TMEM164: variants seen among roughly 807,000 people sequenced by gnomAD.
The protein encoded by TMEM164 is RP13-360B22.2.
Under a neutral mutation model 18.8 loss-of-function variants are expected in TMEM164, and 4 were observed. That is an observed-to-expected ratio of 0.21 (90% CI 0.10 to 0.49). The LOEUF is 0.49. TMEM164 is among the 20% of genes least tolerant of loss of function. TMEM164 has a pLI of 0.98. For missense variants in TMEM164, 108 were observed against 239.9 expected (o/e 0.45, Z 3.63); for synonymous variants, 86 against 101.7 (o/e 0.85, Z 0.93).
At chrX:110,084,444 GTA>G (rs1159781049) in intron 3 of TMEM164, among the ~76,000 whole-genome samples, 2 of 18,925 alleles carry the variant, frequency 1.1e-4, no homozygotes, top group African/African-American at 3.1e-4. Flanking sequence ...TATATATATA[GTA>G]TATATATATA....
downstream of TMEM164, among the ~76,000 whole-genome samples, chrX:110,178,136 G>A (rs1206116301): frequency 8.9e-6 from 1 of 112,518 alleles, no homozygotes; most frequent in African/African-American, 3.2e-5. Context: ...TTTCCTGAGG[G>A]CCAGCTCTGC....
chrX:110,105,731 C>CACAG (rs2066185003), intron 3 of TMEM164, among the ~76,000 whole-genome samples: 1 of 86,714 alleles, frequency 1.2e-5, no homozygotes, highest in Non-Finnish European at 2.2e-5. Context: ...GACACACACA[C>CACAG]AGAGAGAGAG....
intron 2 of TMEM164, among the ~76,000 whole-genome samples, chrX:110,030,614 T>A (rs1934446744): frequency 9.3e-6 from 1 of 107,227 alleles, no homozygotes; most frequent in South Asian, 4.2e-4. Context: ...ATTTTGAGAC[T>A]AGCCTGACCA....
intron 2 of TMEM164, among the ~76,000 whole-genome samples, chrX:110,042,132 T>C (rs1357334485): frequency 9.5e-6 from 1 of 104,901 alleles, no homozygotes; most frequent in Non-Finnish European, 2.0e-5. Flanking sequence ...TTCTAGCACT[T>C]TTTTTTTTTT....
chrX:110,059,325 G>T (rs987492928), intron 2 of TMEM164, among the ~76,000 whole-genome samples: 3 of 111,428 alleles, frequency 2.7e-5, no homozygotes, highest in African/African-American at 9.8e-5. Context: ...CTATTCTGTT[G>T]GTCTCTGTGT....
At chrX:110,083,283 CT>C (rs2065785693) in intron 3 of TMEM164, among the ~76,000 whole-genome samples, 1 of 111,554 alleles carries the variant, frequency 9.0e-6, no homozygotes, top group Non-Finnish European at 1.9e-5. Flanking sequence ...ATATTTTCCC[CT>C]AGAGAGTCAT....
At chrX:110,161,503 TG>T (rs2148113687) in intron 5 of TMEM164, among the ~76,000 whole-genome samples, 1 of 111,742 alleles carries the variant, frequency 8.9e-6, no homozygotes, top group Admixed American at 9.5e-5. Flanking sequence ...GTGCAACAGG[TG>T]GGTAGGTGAG....
intron 3 of TMEM164, among the ~76,000 whole-genome samples, chrX:110,102,780 G>A (rs1050961786): frequency 5.4e-5 from 6 of 112,071 alleles, no homozygotes; most frequent in African/African-American, 1.9e-4. Flanking sequence ...TAGTCACTTG[G>A]CCAGTAAATG....
chrX:110,116,313 A>G (rs73636947), intron 4 of TMEM164, among the ~76,000 whole-genome samples: 1,733 of 112,383 alleles, frequency 0.015, 49 homozygotes, highest in African/African-American at 0.054. Context: ...TCAGAGTTAC[A>G]TCATTTGTAA....
At chrX:110,035,939 A>T (rs1164258760) in intron 2 of TMEM164, among the ~76,000 whole-genome samples, 6 of 109,901 alleles carry the variant, frequency 5.5e-5, no homozygotes, top group South Asian at 7.7e-4. Context: ...GTTTTTTTTT[A>T]AAAAAGGTAG....
chrX:110,048,780 T>C (rs1204418268), intron 2 of TMEM164, among the ~76,000 whole-genome samples: 1 of 111,588 alleles, frequency 9.0e-6, no homozygotes, highest in Non-Finnish European at 1.9e-5. Context: ...AGTGAAGTAA[T>C]GCAGAACATA....
At chrX:110,055,036 A>G (rs1935753871) in intron 2 of TMEM164, among the ~76,000 whole-genome samples, 2 of 111,033 alleles carry the variant, frequency 1.8e-5, no homozygotes, top group African/African-American at 6.6e-5. Flanking sequence ...TCCATGGAAA[A>G]CTGTACCTTT....
chrX:110,044,209 A>G (rs1374618649), intron 2 of TMEM164, among the ~76,000 whole-genome samples: 2 of 112,945 alleles, frequency 1.8e-5, no homozygotes, highest in Non-Finnish European at 3.7e-5. Flanking sequence ...TAATTGAGAG[A>G]TAAGACTACA....
chrX:110,141,375 T>C (rs749388042), intron 4 of TMEM164, among the ~76,000 whole-genome samples: 10 of 111,831 alleles, frequency 8.9e-5, no homozygotes, highest in Non-Finnish European at 1.5e-4. Flanking sequence ...GATAAAGACA[T>C]ACACAAGACT....
intron 2 of TMEM164, among the ~76,000 whole-genome samples, chrX:110,044,639 T>TG (rs1387522534): frequency 2.4e-5 from 2 of 84,676 alleles, no homozygotes; most frequent in African/African-American, 9.3e-5. Context: ...TTTCTACAGA[T>TG]GGGGTCTCAC....
Position 110,024,438 on chromosome X carries a change from C to T in TMEM164, c.390+20274C>T, listed in dbSNP as rs188896311. On this transcript the variant is annotated intron_variant, in intron 2 of 6. Transcript: ENST00000372068. ...AACTAGGACCACAGGCACATGCCAT[C>T]GCACCTGGCTGATTTTTAAATTTTT... is the stretch of plus-strand genomic sequence containing the variant. Among the ~76,000 whole-genome samples the T allele has an allele frequency of 4.7e-3, 520 of 111,287 alleles. 1 individual carries two copies. Among genetic ancestry groups the T allele is most frequent in the African/African-American group, 0.014 (431 of 30,548 alleles).
At chrX:110,104,144 A>T (rs1053490706) in intron 3 of TMEM164, among the ~76,000 whole-genome samples, 2 of 112,379 alleles carry the variant, frequency 1.8e-5, no homozygotes, top group Non-Finnish European at 3.7e-5. Flanking sequence ...ATCAAAGCTT[A>T]TGTACACAAA....
chrX:110,167,928 C>T lies in TMEM164; in HGVS notation c.587-3492C>T, dbSNP rs183201274. Among the ~76,000 whole-genome samples, 540 of 112,026 alleles carry T rather than the reference C, an allele frequency of 4.8e-3. 2 individuals are homozygous for T. Among genetic ancestry groups the T allele is most frequent in the Non-Finnish European group, 8.5e-3 (451 of 53,141 alleles). ...GGTAGTATCTCTGAGTGTTCCTTTC[C>T]CTCTGCAGCATGGGGCAAGACGGGA... On this transcript the variant is annotated intron_variant, in intron 5 of 6. Coordinates refer to ENST00000372068, the MANE Select transcript of TMEM164 (RefSeq NM_032227.4).
chrX:110,018,787 T>G (rs1933626588), intron 2 of TMEM164, among the ~76,000 whole-genome samples: 3 of 112,426 alleles, frequency 2.7e-5, no homozygotes, highest in Non-Finnish European at 5.6e-5. Flanking sequence ...ATGGCTGTTA[T>G]CATCTGTAAG....
Sources: gnomAD v4.1 joint callset for allele counts (sites outside exome capture counted in the v4.1 genomes callset) on GRCh38, gnomAD v4.1.1 for gene constraint, MANE v1.5 for transcripts, NCBI Gene and HGNC (gene_info 2026-07-23, HGNC 2026-07-21) for gene names.